EDIL3: variants seen among roughly 807,000 people sequenced by gnomAD.
EDIL3 encodes EGF like and discoidin domains 3.
Under a neutral mutation model 67.4 loss-of-function variants are expected in EDIL3, and 37 were observed. That is an observed-to-expected ratio of 0.55 (90% CI 0.42 to 0.72). The LOEUF (loss-of-function observed/expected upper bound fraction) is 0.72. Ranked by LOEUF, EDIL3 falls within the 30% of genes least tolerant of loss-of-function variation. EDIL3 has a pLI of 0.00. For missense variants in EDIL3, 527 were observed against 586.3 expected (o/e 0.90, Z 1.04); for synonymous variants, 195 against 196.3 (o/e 0.99, Z 0.05).
chr5:84,128,652 A>C (rs1747909661), intron 5 of EDIL3, among the ~76,000 whole-genome samples: 2 of 152,102 alleles, frequency 1.3e-5, no homozygotes, highest in Non-Finnish European at 2.9e-5. Flanking sequence ...TAGCTGAAAG[A>C]GTGATATTTT....
intron 1 of EDIL3, among the ~76,000 whole-genome samples, chr5:84,321,701 TGTCA>T (rs1382736503): frequency 6.6e-6 from 1 of 152,172 alleles, no homozygotes; most frequent in Non-Finnish European, 1.5e-5. Flanking sequence ...TCTGTGATCC[TGTCA>T]GTGATTGCTG....
chr5:84,241,981 C>T (rs914835446), intron 2 of EDIL3, among the ~76,000 whole-genome samples: 13 of 150,048 alleles, frequency 8.7e-5, no homozygotes, highest in Admixed American at 8.1e-4. Flanking sequence ...AGCACTTTGA[C>T]AGGCCGAGGT....
At chr5:84,150,906 TA>T (rs1310052435) in intron 4 of EDIL3, among the ~76,000 whole-genome samples, 26 of 152,100 alleles carry the variant, frequency 1.7e-4, no homozygotes, top group Admixed American at 1.7e-3. Flanking sequence ...CTGAGTGAAA[TA>T]AATCAGGCAA....
chr5:84,124,916 G>T (rs1460006031), intron 5 of EDIL3, among the ~76,000 whole-genome samples: 1 of 151,922 alleles, frequency 6.6e-6, no homozygotes, highest in South Asian at 2.1e-4. Flanking sequence ...TCCTTCTCAG[G>T]TACACTTATA....
chr5:84,316,717 C>A (rs1746520558), intron 1 of EDIL3, among the ~76,000 whole-genome samples: 1 of 152,130 alleles, frequency 6.6e-6, no homozygotes, highest in African/African-American at 2.4e-5. Context: ...AGAAAATTAA[C>A]AAGGATATCC....
At chr5:84,325,302 C>T (rs1746735597) in intron 1 of EDIL3, among the ~76,000 whole-genome samples, 1 of 151,698 alleles carries the variant, frequency 6.6e-6, no homozygotes, top group Non-Finnish European at 1.5e-5. Flanking sequence ...ATCTAATAAT[C>T]TGATTTTTAA....
intron 10 of EDIL3, among the ~76,000 whole-genome samples, chr5:83,953,745 T>G (rs1744459636): frequency 6.6e-6 from 1 of 151,810 alleles, no homozygotes; most frequent in South Asian, 2.1e-4. Context: ...TTGGTTAAAG[T>G]TATTTTTTAA....
chr5:84,331,417 A>G (rs1456826942), intron 1 of EDIL3, among the ~76,000 whole-genome samples: 1 of 152,146 alleles, frequency 6.6e-6, no homozygotes, highest in East Asian at 1.9e-4. Flanking sequence ...GAGGTAATTG[A>G]ATCATGGGGG....
At chr5:84,253,415 A>G (rs994324074) in intron 2 of EDIL3, among the ~76,000 whole-genome samples, 2 of 152,178 alleles carry the variant, frequency 1.3e-5, no homozygotes, top group African/African-American at 4.8e-5. Context: ...ACAAGTTTAC[A>G]TGGTGTTAAA....
chr5:84,008,337 T>C (rs1177392116), intron 9 of EDIL3, among the ~76,000 whole-genome samples: 1 of 152,138 alleles, frequency 6.6e-6, no homozygotes, highest in Non-Finnish European at 1.5e-5. Context: ...AGGTGAAGGA[T>C]ACCCCATTTA....
intron 4 of EDIL3, among the ~76,000 whole-genome samples, chr5:84,180,065 A>T (rs1748988047): frequency 1.3e-5 from 2 of 151,808 alleles, no homozygotes; most frequent in Non-Finnish European, 2.9e-5. Context: ...TTTTTGGAAA[A>T]CTTAAAGGAT....
chr5:83,982,814 T>G (rs748954624), intron 9 of EDIL3, among the ~76,000 whole-genome samples: 6 of 152,136 alleles, frequency 3.9e-5, no homozygotes, highest in Non-Finnish European at 7.4e-5. Flanking sequence ...CAAGGGCTTG[T>G]AGGTGACAGA....
intron 1 of EDIL3, among the ~76,000 whole-genome samples, chr5:84,265,511 G>T (rs747358017): frequency 2.0e-5 from 3 of 152,162 alleles, no homozygotes; most frequent in Non-Finnish European, 4.4e-5. Flanking sequence ...TTTAGATCTT[G>T]ACGAAATTTT....
rs1015687467 is a variant in EDIL3, at chr5:84,245,190, T to A, written c.196+8894A>T. On this transcript the variant is annotated intron_variant, in intron 2 of 10. Coordinates refer to ENST00000296591, the MANE Select transcript of EDIL3 (RefSeq NM_005711.5). ...CGCCTAGTTCTAGTTTACCCTTTTT[T>A]AAATGTTTTATGGCCTACTACAGTA... 2.6e-5 allele frequency among the ~76,000 whole-genome samples: 4 copies of A among 152,376 alleles called. No individual in the cohort carries two copies. In the South Asian group the frequency reaches 6.2e-4, roughly 24 times the overall value.
intron 9 of EDIL3, among the ~76,000 whole-genome samples, chr5:84,040,120 G>C (rs913164652): frequency 6.6e-6 from 1 of 152,182 alleles, no homozygotes; most frequent in African/African-American, 2.4e-5. Flanking sequence ...ACTAGTGGCA[G>C]AGAAGGGGTT....
At chr5:84,097,268 TA>T (rs1403990300) in intron 6 of EDIL3, among the ~76,000 whole-genome samples, 1 of 152,154 alleles carries the variant, frequency 6.6e-6, no homozygotes, top group Non-Finnish European at 1.5e-5. Context: ...TTCTCAGTGA[TA>T]AAATACTAGA....
chr5:84,026,149 G>A (rs1407951886), intron 9 of EDIL3, among the ~76,000 whole-genome samples: 1 of 152,150 alleles, frequency 6.6e-6, no homozygotes, highest in South Asian at 2.1e-4. Flanking sequence ...CTCACTAAAG[G>A]ATGTACTGAC....
At chr5:84,356,283 T>A (rs1324293149) in intron 1 of EDIL3, among the ~76,000 whole-genome samples, 1 of 152,208 alleles carries the variant, frequency 6.6e-6, no homozygotes, top group Non-Finnish European at 1.5e-5. Context: ...TAGTTGTTCT[T>A]TCAGACAAAC....
intron 1 of EDIL3, among the ~76,000 whole-genome samples, chr5:84,359,703 CG>C (rs1747559387): frequency 6.6e-6 from 1 of 152,050 alleles, no homozygotes; most frequent in African/African-American, 2.4e-5. Flanking sequence ...GATGAGGAAA[CG>C]GGGTTATTCA....
Sources: gnomAD v4.1 joint callset for allele counts (sites outside exome capture counted in the v4.1 genomes callset) on GRCh38, gnomAD v4.1.1 for gene constraint, MANE v1.5 for transcripts, NCBI Gene and HGNC (gene_info 2026-07-23, HGNC 2026-07-21) for gene names.